The following GPATCH8 variants were observed in gnomAD, a reference collection of about 807,000 sequenced individuals.
The protein encoded by GPATCH8 is G-patch domain containing 8.
Under a neutral mutation model 118.3 loss-of-function variants are expected in GPATCH8, and 18 were observed. That is an observed-to-expected ratio of 0.15 (90% confidence interval 0.11 to 0.23). GPATCH8 has a LOEUF of 0.23. GPATCH8 is among the 10% of genes least tolerant of loss of function. The probability of loss-of-function intolerance (pLI) is 1.00; values close to 1 mark genes in which losing one functional copy is unlikely to be tolerated. For synonymous variants in GPATCH8, 659 were observed against 684.7 expected (o/e 0.96, Z 0.59); for missense variants, 1,631 against 1,873.8 (o/e 0.87, Z 2.39).
chr17:44,418,479 G>A (rs891985204), intron 6 of GPATCH8, among the ~76,000 whole-genome samples: 3 of 148,718 alleles, frequency 2.0e-5, no homozygotes, highest in Non-Finnish European at 1.5e-5. Context: ...TTTTGAGATG[G>A]AGTCTTGCTC....
intron 6 of GPATCH8, among the ~76,000 whole-genome samples, chr17:44,411,710 C>T (rs1183565283): frequency 6.6e-6 from 1 of 152,206 alleles, no homozygotes; most frequent in Admixed American, 6.5e-5. Context: ...AGCAACTCTG[C>T]TCTCCCAACA....
chr17:44,473,162 T>C (rs1162259707), intron 2 of GPATCH8: 1 of 147,940 alleles, frequency 6.8e-6, no homozygotes, highest in Non-Finnish European at 1.5e-5. Flanking sequence ...TGAGACAGAG[T>C]CTCGCTCTGT....
chr17:44,497,922 G>T (rs928498377), intron 1 of GPATCH8, among the ~76,000 whole-genome samples: 1 of 151,256 alleles, frequency 6.6e-6, no homozygotes, highest in Non-Finnish European at 1.5e-5. Flanking sequence ...CTGGACAAAA[G>T]AGCCAGACAC....
At chr17:44,465,872 C>T (rs1438980309) in intron 2 of GPATCH8, 1 of 152,184 alleles carries the variant, frequency 6.6e-6, no homozygotes, top group Non-Finnish European at 1.5e-5. Flanking sequence ...GTTACCTTCC[C>T]TAACTAGAAG....
chr17:44,413,810 G>A (rs2049543964), intron 6 of GPATCH8, among the ~76,000 whole-genome samples: 1 of 151,982 alleles, frequency 6.6e-6, no homozygotes, highest in Non-Finnish European at 1.5e-5. Flanking sequence ...AGTAGAGATG[G>A]GGTTTTGCCA....
At chr17:44,434,891 G>A (rs1327306466) in intron 5 of GPATCH8, among the ~76,000 whole-genome samples, 174 bp downstream of exon 5, 1 of 152,152 alleles carries the variant, frequency 6.6e-6, no homozygotes, top group Non-Finnish European at 1.5e-5. Context: ...TATCTCTATA[G>A]TTTATACAGA....
chr17:44,499,559 T>C (rs779029187), intron 1 of GPATCH8, among the ~76,000 whole-genome samples: 5 of 152,210 alleles, frequency 3.3e-5, no homozygotes, highest in Admixed American at 6.5e-5. Context: ...GAACATTTCC[T>C]CACCAGCATT....
At chr17:44,452,731 A>C (rs1394523034) in intron 3 of GPATCH8, among the ~76,000 whole-genome samples, 1 of 152,224 alleles carries the variant, frequency 6.6e-6, no homozygotes, top group Non-Finnish European at 1.5e-5. Flanking sequence ...AAATCAAAGA[A>C]TTTGGGTTTG....
intron 5 of GPATCH8, among the ~76,000 whole-genome samples, chr17:44,430,574 ACAT>A (rs2143977534): frequency 6.6e-6 from 1 of 152,270 alleles, no homozygotes. Context: ...CCCCCAGCTA[ACAT>A]CATAATGGTG....
chr17:44,500,812 C>T (rs547598717), intron 1 of GPATCH8, among the ~76,000 whole-genome samples: 14 of 152,286 alleles, frequency 9.2e-5, no homozygotes, highest in South Asian at 2.1e-4. Context: ...CACCCAAAAC[C>T]TTAAAAGGAG....
chr17:44,492,418 AAAAATTAG>A (rs1969321605), intron 1 of GPATCH8, among the ~76,000 whole-genome samples: 1 of 149,262 alleles, frequency 6.7e-6, no homozygotes. Flanking sequence ...TCTACCAAAA[AAAAATTAG>A]CCAGGCGTGG....
intron 2 of GPATCH8, among the ~76,000 whole-genome samples, chr17:44,470,753 C>T (rs1598583739): frequency 6.6e-6 from 1 of 152,164 alleles, no homozygotes; most frequent in Admixed American, 6.5e-5. Context: ...CGTCATCTGC[C>T]CGCCTCAGCA....
intron 2 of GPATCH8, 91 bp downstream of exon 2, chr17:44,474,738 T>C (rs1967592127): frequency 2.7e-6 from 2 of 742,040 alleles, no homozygotes; most frequent in Admixed American, 3.9e-5. Flanking sequence ...CTATTGGTTA[T>C]TAATAAGTTT....
At chr17:44,467,393 C>T (rs1376033247) in intron 2 of GPATCH8, among the ~76,000 whole-genome samples, 2 of 152,126 alleles carry the variant, frequency 1.3e-5, no homozygotes, top group Admixed American at 6.5e-5. Flanking sequence ...TACAAAACCA[C>T]TCAAGAGGAT....
chr17:44,432,088 A>G (rs1418567756), intron 5 of GPATCH8, among the ~76,000 whole-genome samples: 3 of 151,340 alleles, frequency 2.0e-5, no homozygotes, highest in East Asian at 1.9e-4. Context: ...CCCTCTCCCA[A>G]CAAATCTTCA....
intron 6 of GPATCH8, among the ~76,000 whole-genome samples, chr17:44,415,927 T>C (rs955620921): frequency 2.6e-5 from 4 of 152,204 alleles, no homozygotes; most frequent in Admixed American, 6.5e-5. Context: ...CAACATTAGG[T>C]CCTGAAGTGT....
chr17:44,424,117 A>G (rs762717020), intron 6 of GPATCH8, among the ~76,000 whole-genome samples: 11 of 152,212 alleles, frequency 7.2e-5, no homozygotes, highest in Non-Finnish European at 1.5e-4. Context: ...ATTATATAAG[A>G]TTTACAAAAC....
chr17:44,408,567 A>C (rs2049316916), intron 6 of GPATCH8, among the ~76,000 whole-genome samples: 4 of 152,164 alleles, frequency 2.6e-5, no homozygotes, highest in Non-Finnish European at 4.4e-5. Flanking sequence ...CCTCTTACAA[A>C]TATTTCACTA....
In GPATCH8 at chr17:44,399,367, G is replaced by A. The variant is rs1378862668; in HGVS notation, c.2710C>T (p.His904Tyr). 1.9e-6 allele frequency: 3 copies of A among 1,613,988 alleles called. No homozygotes were observed. The highest frequency in any genetic ancestry group is 2.5e-6 in the Non-Finnish European group (3 of 1,179,942). Residue 904 changes from histidine to tyrosine, a missense_variant, in exon 8 of 8, where the codon CAC (histidine) becomes TAC (tyrosine). Around this residue, in one of 8 missense-constraint regions of GPATCH8, gnomAD observed 922 missense variants for 879.7 expected, o/e 1.05. Coordinates refer to ENST00000591680, the MANE Select transcript of GPATCH8 (RefSeq NM_001002909.4). ...YSDYSDRSRRHSKRSHDSDDS... is the reference protein window; with the variant it reads ...YSDYSDRSRRYSKRSHDSDDS... Reference sequence around the variant, plus strand: ...TCTGAGTCATGGGAGCGCTTGGAGTGCCTTCGTGATCTGTCACTGTAGTCA... The same window carrying A: ...TCTGAGTCATGGGAGCGCTTGGAGTACCTTCGTGATCTGTCACTGTAGTCA...
Sources: gnomAD v4.1 joint callset for allele counts (sites outside exome capture counted in the v4.1 genomes callset) on GRCh38, gnomAD v4.1.1 for gene constraint, gnomAD v4.1.1 regional missense constraint, MANE v1.5 for transcripts, NCBI Gene and HGNC (gene_info 2026-07-23, HGNC 2026-07-21) for gene names.